Variants in ADCY9 observed in about 807,000 individuals in gnomAD.
ADCY9 encodes the protein adenylate cyclase 9.
A neutral mutation model predicts 101.5 loss-of-function variants in ADCY9; 50 were observed. The ratio of observed to expected loss-of-function variants is 0.49; its 90% confidence interval spans 0.39 to 0.62. The LOEUF is 0.62. Among genes scored for constraint, ADCY9 ranks in the 20% least tolerant of loss-of-function variants. The pLI is 0.00. For synonymous variants in ADCY9, 905 were observed against 769.3 expected, an observed-to-expected ratio of 1.18 and a Z score of -2.92; for missense variants, 1,662 against 1,800.4, an observed-to-expected ratio of 0.92 and a Z score of 1.39.
At chr16:4,083,616 A>G (rs981902001) in intron 2 of ADCY9, among the ~76,000 whole-genome samples, 5 of 152,250 alleles carry the variant, frequency 3.3e-5, no homozygotes, top group African/African-American at 7.2e-5. Context: ...AATATCCATC[A>G]ACTGAGGAAT....
Position 3,966,144 on chromosome 16 carries a change from G to A in ADCY9, c.3693C>T (p.Val1231=). The A allele has an allele frequency of 1.2e-6, 2 of 1,614,226 alleles. No homozygotes were observed. Among genetic ancestry groups the A allele is most frequent in the Middle Eastern group, 1.6e-4 (1 of 6,062 alleles). ...AGGTCTTCATCTGGCCTTTCCCCTT[G>A]ACATTCACGGTCCCTCTGTAGTCGA... ...YDFDYRGTVN[V]KGKGQMKTYL... is the part of the protein sequence containing the mutation. The change falls in exon 11 of 11, where the codon GTC becomes GTT. Residue 1231 remains valine (V), a synonymous_variant. Coordinates refer to ENST00000294016, the MANE Select transcript of ADCY9 (RefSeq NM_001116.4).
At chr16:4,073,445 G>C (rs2056847629) in intron 2 of ADCY9, among the ~76,000 whole-genome samples, 1 of 150,814 alleles carries the variant, frequency 6.6e-6, no homozygotes, top group Admixed American at 6.6e-5. Context: ...GCCCAGACTG[G>C]AATGCAATGG....
chr16:4,076,733 T>C (rs935410949), intron 2 of ADCY9, among the ~76,000 whole-genome samples: 2 of 152,180 alleles, frequency 1.3e-5, no homozygotes, highest in African/African-American at 4.8e-5. Flanking sequence ...ATTTTTTTTT[T>C]AGACAAGGTC....
chr16:3,956,506 G>GGGC (rs1555504586), intron 5 of ADCY9, among the ~76,000 whole-genome samples: 86 of 10,934 alleles, frequency 7.9e-3, no homozygotes, highest in African/African-American at 0.019. Context: ...TTTTTTTTGG[G>GGGC]GGGGGATGGA....
intron 2 of ADCY9, among the ~76,000 whole-genome samples, chr16:4,092,717 G>C (rs1371257231): frequency 1.3e-5 from 2 of 152,096 alleles, no homozygotes; most frequent in Non-Finnish European, 1.5e-5. Context: ...CCTGTACCTA[G>C]CAACCTCACT....
At chr16:4,014,686 G>T (rs1451273156) in intron 2 of ADCY9, among the ~76,000 whole-genome samples, 1 of 151,878 alleles carries the variant, frequency 6.6e-6, no homozygotes, top group Non-Finnish European at 1.5e-5. Flanking sequence ...GACCTCAAAT[G>T]ATCCGCCTGC....
intron 3 of ADCY9, among the ~76,000 whole-genome samples, chr16:4,001,090 G>A (rs1009411104): frequency 5.3e-5 from 8 of 151,388 alleles, no homozygotes; most frequent in South Asian, 4.2e-4. Flanking sequence ...TATATCCTCC[G>A]TACATACTCA....
At chr16:4,042,236 T>A (rs1240832966) in intron 2 of ADCY9, among the ~76,000 whole-genome samples, 2 of 152,068 alleles carry the variant, frequency 1.3e-5, no homozygotes, top group African/African-American at 4.8e-5. Flanking sequence ...TCAGCTGTTT[T>A]TAAATTCTTT....
At chr16:4,081,098 C>T (rs1202931183) in intron 2 of ADCY9, among the ~76,000 whole-genome samples, 6 of 152,176 alleles carry the variant, frequency 3.9e-5, no homozygotes, top group Admixed American at 6.5e-5. Context: ...GAAAGGAAGA[C>T]GAGCGTGCTC....
Position 3,966,933 on chromosome 16 carries a change from C to T in ADCY9, c.2904G>A (p.Pro968=), listed in dbSNP as rs544625306. Residue 968 remains proline (P), a synonymous_variant, in exon 11 of 11, where the codon CCG becomes CCA. Coordinates refer to ENST00000294016, the MANE Select transcript of ADCY9 (RefSeq NM_001116.4). The part of the protein sequence containing the change: ...SERNPCNSSV[P]RDLRRPASLI... ...GGCTGGCGGGCCGCCGGAGGTCACG[C>T]GGCACCGAACTATTGCACGGGTTCC... The T allele has an allele frequency of 8.7e-6, 14 of 1,613,526 alleles. No homozygotes were observed. The highest frequency in any genetic ancestry group is 5.5e-5 in the South Asian group (5 of 91,074).
At chr16:4,041,294 G>A (rs945932117) in intron 2 of ADCY9, among the ~76,000 whole-genome samples, 8 of 152,132 alleles carry the variant, frequency 5.3e-5, no homozygotes, top group Non-Finnish European at 1.2e-4. Context: ...CCTGAGGTCA[G>A]GAGTTTGAGA....
At chr16:4,065,603 A>G (rs2056796412) in intron 2 of ADCY9, among the ~76,000 whole-genome samples, 1 of 152,010 alleles carries the variant, frequency 6.6e-6, no homozygotes, top group Admixed American at 6.6e-5. Flanking sequence ...ACGGAGTCTC[A>G]CTCTGTCACC....
rs577308628 is a variant in ADCY9, at chr16:3,955,215, T to C, written c.568-1699A>G. On this transcript the variant is annotated intron_variant, in intron 5 of 5. Coordinates refer to the ADCY9 transcript ENST00000576936. The stretch of plus-strand genomic sequence containing the variant: ...ATTACGTCAAAAATTGCCTCAAATG[T>C]CTCTCATTAAAAAAAAAAAAGTAGT... Among the ~76,000 whole-genome samples, 4 of 151,274 alleles carry C rather than the reference T, an allele frequency of 2.6e-5. No homozygotes were observed. The East Asian group carries it at 7.8e-4, about 29-fold the overall frequency.
chr16:4,102,156 AT>A, intron 2 of ADCY9, among the ~76,000 whole-genome samples: 1 of 152,216 alleles, frequency 6.6e-6, no homozygotes, highest in Non-Finnish European at 1.5e-5. Flanking sequence ...TATTGATGGA[AT>A]GGCTGTCCAC....
intron 7 of ADCY9, among the ~76,000 whole-genome samples, chr16:3,980,276 GACAC>G (rs879656831): frequency 0.33 from 50,228 of 152,038 alleles, 9,465 homozygotes; most frequent in Middle Eastern, 0.49. Context: ...GTGTGATGTT[GACAC>G]AATAAAAGTT....
In ADCY9 at chr16:4,004,029, G is replaced by A. The variant is rs568967703; in HGVS notation, c.1884+3339C>T. On this transcript the variant is annotated intron_variant, in intron 3 of 10. Transcript: ENST00000294016. ...CCCAGCATTTTAAGAGGCCAAGGCA[G>A]GAGGATGGTATAACCCCAGGAGTTG... Among the ~76,000 whole-genome samples the A allele has an allele frequency of 1.3e-4, 20 of 151,940 alleles. No individual in the cohort carries two copies. The South Asian group carries it at 3.9e-3, about 30-fold the overall frequency.
chr16:3,960,404 C>T (rs2055931083), downstream of ADCY9, among the ~76,000 whole-genome samples: 1 of 152,070 alleles, frequency 6.6e-6, no homozygotes, highest in African/African-American at 2.4e-5. Context: ...CACCTGTAAT[C>T]CCAGCTACTC....
At chr16:3,976,150 C>T (rs2056090917) in intron 9 of ADCY9, among the ~76,000 whole-genome samples, 1 of 152,090 alleles carries the variant, frequency 6.6e-6, no homozygotes, top group South Asian at 2.1e-4. Context: ...CACCGCCATG[C>T]CTGGCTAATT....
At chr16:4,070,137 T>C (rs1260472962) in intron 2 of ADCY9, among the ~76,000 whole-genome samples, 1 of 152,154 alleles carries the variant, frequency 6.6e-6, no homozygotes, top group Non-Finnish European at 1.5e-5. Flanking sequence ...TGTGTGTGTG[T>C]GTGTGTGTAC....
Sources: gnomAD v4.1 joint callset for allele counts (sites outside exome capture counted in the v4.1 genomes callset) on GRCh38, gnomAD v4.1.1 for gene constraint, MANE v1.5 for transcripts, NCBI Gene and HGNC (gene_info 2026-07-23, HGNC 2026-07-21) for gene names.